The following CCDC141 variants were observed in gnomAD, a reference collection of about 807,000 sequenced individuals.
CCDC141 encodes coiled-coil domain containing 141, also known as coiled-coil domain-containing protein 141.
A neutral mutation model predicts 181.0 loss-of-function variants in CCDC141; 168 were observed. That is an observed-to-expected ratio of 0.93 (90% confidence interval 0.82 to 1.05). The LOEUF is 1.05. Ranked by LOEUF, CCDC141 falls within the 50% of genes least tolerant of loss-of-function variation. The pLI, the probability that CCDC141 is intolerant of heterozygous loss-of-function variation, is 0.00. For missense variants in CCDC141, 1,902 were observed against 1,788.5 expected (o/e 1.06, Z -1.14); for synonymous variants, 666 against 642.3 (o/e 1.04, Z -0.56).
At chr2:178,983,067 C>G (rs1402185240) in intron 2 of CCDC141, among the ~76,000 whole-genome samples, 2 of 152,206 alleles carry the variant, frequency 1.3e-5, no homozygotes, top group African/African-American at 4.8e-5. Context: ...ATGTCCCTGT[C>G]TGACAGCTTT....
At chr2:178,842,599 C>T (rs1349004605) in intron 22 of CCDC141, among the ~76,000 whole-genome samples, 1 of 152,154 alleles carries the variant, frequency 6.6e-6, no homozygotes, top group East Asian at 1.9e-4. Flanking sequence ...CCTCAAAGTC[C>T]ATAGAGCAGG....
At position 179,020,057 on chromosome 2, in the gene CCDC141, G is replaced by A. The variant is rs147626409; in HGVS notation, c.225+27227C>T. ...AGGCATGGACCACTATGCCCAGCTG[G>A]AAAGATCATTTGATAGATAAGATAA... On this transcript the variant is annotated intron_variant, in intron 2 of 23. Coordinates refer to ENST00000443758, the MANE Select transcript of CCDC141 (RefSeq NM_173648.4). Among the ~76,000 whole-genome samples the A allele has an allele frequency of 6.6e-5, 10 of 152,176 alleles. No homozygotes were observed. The South Asian group carries it at 1.9e-3, about 29-fold the overall frequency.
At chr2:178,884,758 A>T in intron 11 of CCDC141, 143 bp downstream of exon 11, 1 of 511,550 alleles carries the variant, frequency 2.0e-6, no homozygotes, top group Non-Finnish European at 3.4e-6. Context: ...TTGGTTTACA[A>T]GAATACAGGG....
the CCDC141 span, among the ~76,000 whole-genome samples, chr2:178,819,800 G>T: frequency 6.6e-6 from 1 of 152,020 alleles, no homozygotes; most frequent in African/African-American, 2.4e-5. Flanking sequence ...TCCTGCTTTA[G>T]AGAAATACAC....
At chr2:178,974,978 C>G (rs770816057) in intron 4 of CCDC141, 79 bp downstream of exon 4, 18 of 635,206 alleles carry the variant, frequency 2.8e-5, no homozygotes, top group Non-Finnish European at 4.7e-5. Flanking sequence ...TTAAAATACA[C>G]TATCATACAT....
intron 7 of CCDC141, among the ~76,000 whole-genome samples, chr2:178,915,961 G>T (rs1688429192): frequency 6.6e-6 from 1 of 152,150 alleles, no homozygotes; most frequent in Admixed American, 6.5e-5. Context: ...TGGGAGAATT[G>T]ATGTGGCATG....
intron 2 of CCDC141, among the ~76,000 whole-genome samples, chr2:179,010,976 G>T (rs945982163): frequency 1.4e-4 from 22 of 152,102 alleles, no homozygotes; most frequent in South Asian, 4.2e-4. Context: ...GGCCAACATG[G>T]TGAAACCCTG....
chr2:179,015,103 TA>T (rs372075311), intron 2 of CCDC141, among the ~76,000 whole-genome samples: 1,466 of 27,552 alleles, frequency 0.053, 133 homozygotes, highest in Non-Finnish European at 0.099. Flanking sequence ...TATATATATA[TA>T]ATATATATAT....
At chr2:178,918,658 G>C (rs1688556479) in intron 7 of CCDC141, 55 bp downstream of exon 7, 2 of 1,421,090 alleles carry the variant, frequency 1.4e-6, no homozygotes, top group Admixed American at 2.1e-5. Flanking sequence ...GAAGTAATGG[G>C]TCTTTTACTG....
At chr2:178,906,092 C>A (rs769557437) in intron 7 of CCDC141, among the ~76,000 whole-genome samples, 1 of 152,128 alleles carries the variant, frequency 6.6e-6, no homozygotes, top group Non-Finnish European at 1.5e-5. Flanking sequence ...TGAAGCCATG[C>A]AAAGAGTAAG....
chr2:178,871,683 G>T, intron 13 of CCDC141, 131 bp from the exon 14 acceptor site: 1 of 1,047,596 alleles, frequency 9.5e-7, no homozygotes, highest in Non-Finnish European at 1.4e-6. Flanking sequence ...TGTGGCATGA[G>T]CTCAGGGTTC....
intron 2 of CCDC141, among the ~76,000 whole-genome samples, chr2:179,009,550 C>G (rs2042208183): frequency 6.6e-6 from 1 of 151,820 alleles, no homozygotes; most frequent in Non-Finnish European, 1.5e-5. Context: ...GTCTAGCCAC[C>G]TAGCAAGTCT....
At chr2:178,850,734 A>G (rs1292662890) in intron 20 of CCDC141, among the ~76,000 whole-genome samples, 1 of 152,206 alleles carries the variant, frequency 6.6e-6, no homozygotes, top group Non-Finnish European at 1.5e-5. Flanking sequence ...ATTTCTGTGA[A>G]GATATTCTTA....
chr2:178,902,179 C>T (rs1449608807), intron 8 of CCDC141, among the ~76,000 whole-genome samples: 1 of 152,132 alleles, frequency 6.6e-6, no homozygotes, highest in East Asian at 1.9e-4. Context: ...GGCCATAGTG[C>T]CCAAGGTAAT....
chr2:178,960,679 C>G (rs548702211), intron 5 of CCDC141, among the ~76,000 whole-genome samples: 1 of 152,268 alleles, frequency 6.6e-6, no homozygotes, highest in East Asian at 1.9e-4. Flanking sequence ...GTGCCTGCAG[C>G]CTGGGTAATG....
chr2:178,915,163 C>G (rs1688387354), intron 7 of CCDC141, among the ~76,000 whole-genome samples: 1 of 151,462 alleles, frequency 6.6e-6, no homozygotes, highest in Non-Finnish European at 1.5e-5. Context: ...ACAGTGAGAC[C>G]CTGTCCCCAC....
chr2:178,923,250 G>A (rs1387477265), intron 6 of CCDC141, among the ~76,000 whole-genome samples: 1 of 149,948 alleles, frequency 6.7e-6, no homozygotes, highest in Non-Finnish European at 1.5e-5. Flanking sequence ...GACTACAGGC[G>A]CCCGCCACTA....
chr2:178,893,070 T>C (rs1687232251), intron 8 of CCDC141, among the ~76,000 whole-genome samples: 1 of 152,166 alleles, frequency 6.6e-6, no homozygotes, highest in Non-Finnish European at 1.5e-5. Context: ...ATGCGGTAGA[T>C]CAGATTATTC....
intron 17 of CCDC141, among the ~76,000 whole-genome samples, chr2:178,864,237 G>GGGGGA (rs1363346785): frequency 6.6e-6 from 1 of 152,134 alleles, no homozygotes; most frequent in Admixed American, 6.6e-5. Context: ...CGGGAAGAAA[G>GGGGGA]GGGGAGGGGA....
Sources: allele counts gnomAD v4.1 joint callset (sites outside exome capture counted in the v4.1 genomes callset), GRCh38; gene constraint gnomAD v4.1.1; transcripts MANE v1.5; gene names NCBI Gene and HGNC (gene_info 2026-07-23, HGNC 2026-07-21).